DMD: variants seen among roughly 807,000 people sequenced by gnomAD.
DMD encodes the protein dystrophin, also known as mutant dystrophin.
Under a neutral mutation model 330.1 loss-of-function variants are expected in DMD, and 63 were observed. That is an observed-to-expected ratio of 0.19 (90% CI 0.16 to 0.24). The LOEUF (loss-of-function observed/expected upper bound fraction) is 0.24. DMD is among the 10% of genes least tolerant of loss of function. The pLI, the probability that DMD is intolerant of heterozygous loss-of-function variation, is 1.00. For missense variants in DMD, 3,344 were observed against 2,684.1 expected, an observed-to-expected ratio of 1.25 and a Z score of -5.43; for synonymous variants, 1,223 against 959.8, an observed-to-expected ratio of 1.27 and a Z score of -5.07.
chrX:31,294,530 C>G (rs1347342013), intron 62 of DMD, among the ~76,000 whole-genome samples: 1 of 112,267 alleles, frequency 8.9e-6, no homozygotes, highest in Non-Finnish European at 1.9e-5. Context: ...TTCCATTTTC[C>G]TATCTGTAAG....
At chrX:31,328,719 G>C (rs1012921798) in intron 61 of DMD, among the ~76,000 whole-genome samples, 1 of 110,117 alleles carries the variant, frequency 9.1e-6, no homozygotes, top group East Asian at 2.8e-4. Context: ...CCAAAATGTT[G>C]TCAGGATAAA....
intron 63 of DMD, among the ~76,000 whole-genome samples, chrX:31,257,173 G>C (rs1234767388): frequency 2.6e-5 from 2 of 78,418 alleles, no homozygotes; most frequent in African/African-American, 1.1e-4. Context: ...GCAAATTAGA[G>C]AATGGAAATC....
At chrX:32,164,738 C>T (rs1167138767) in intron 44 of DMD, among the ~76,000 whole-genome samples, 1 of 111,129 alleles carries the variant, frequency 9.0e-6, no homozygotes, top group Non-Finnish European at 1.9e-5. Context: ...TTCATTGCGG[C>T]TCCTCCCATC....
chrX:31,220,989 G>C (rs1049796097), intron 64 of DMD, among the ~76,000 whole-genome samples: 1 of 99,527 alleles, frequency 1.0e-5, no homozygotes, highest in African/African-American at 3.8e-5. Flanking sequence ...CTTCCACTGT[G>C]GCCCGGAGAA....
intron 45 of DMD, 85 bp downstream of exon 45, chrX:31,968,254 T>C: frequency 2.7e-6 from 3 of 1,099,364 alleles, no homozygotes; most frequent in African/African-American, 1.8e-5. Flanking sequence ...TCACCCTGCT[T>C]ATAATCTCTC....
At chrX:31,638,028 C>T (rs974569060) in intron 54 of DMD, among the ~76,000 whole-genome samples, 1 of 111,595 alleles carries the variant, frequency 9.0e-6, no homozygotes, top group Non-Finnish European at 1.9e-5. Flanking sequence ...TTGTATTTAG[C>T]TGTCAATGAC....
At chrX:32,651,947 T>C (rs933737093) in intron 9 of DMD, among the ~76,000 whole-genome samples, 1 of 111,750 alleles carries the variant, frequency 8.9e-6, no homozygotes, top group African/African-American at 3.3e-5. Context: ...GATTTGCCTT[T>C]GATGTTAAAT....
chrX:32,731,224 C>G (rs982244854), intron 7 of DMD, among the ~76,000 whole-genome samples: 2 of 112,254 alleles, frequency 1.8e-5, no homozygotes, highest in Non-Finnish European at 3.8e-5. Flanking sequence ...AACGGCACAC[C>G]AGGAGATTAT....
chrX:31,835,001 G>T (rs1313640688), intron 49 of DMD, among the ~76,000 whole-genome samples: 2 of 112,250 alleles, frequency 1.8e-5, no homozygotes, highest in Non-Finnish European at 3.8e-5. Flanking sequence ...CATCACTAAT[G>T]CATCAGCAGG....
At chrX:33,265,249 G>A (rs2053023866) in intron 1 of DMD, among the ~76,000 whole-genome samples, 1 of 110,622 alleles carries the variant, frequency 9.0e-6, no homozygotes, top group Non-Finnish European at 1.9e-5. Flanking sequence ...ACTGTCACAG[G>A]TACAGATGAA....
intron 7 of DMD, among the ~76,000 whole-genome samples, chrX:32,773,044 C>T (rs1228907794): frequency 3.6e-5 from 4 of 111,786 alleles, no homozygotes; most frequent in Non-Finnish European, 7.5e-5. Flanking sequence ...TTCCGTCATG[C>T]TCCTCTTCTG....
chrX:32,732,865 AATC>A (rs993682836), intron 7 of DMD, among the ~76,000 whole-genome samples: 2 of 110,543 alleles, frequency 1.8e-5, no homozygotes, highest in Admixed American at 1.9e-4. Flanking sequence ...TAACGAGCAA[AATC>A]ACCAGCTAAC....
At chrX:33,262,898 A>G (rs994983532) in intron 1 of DMD, among the ~76,000 whole-genome samples, 36 of 111,229 alleles carry the variant, frequency 3.2e-4, no homozygotes, top group African/African-American at 1.2e-3. Flanking sequence ...GGCAAAGGAC[A>G]TGAACAGATG....
At position 32,574,653 on chromosome X, in the gene DMD, A is replaced by G. The variant is rs766630655; in HGVS notation, c.1603-807T>C. Among the ~76,000 whole-genome samples, 101 of 111,376 alleles carry G rather than the reference A, an allele frequency of 9.1e-4. 1 individual carries two copies. The highest frequency in any genetic ancestry group is 1.3e-4 in the Non-Finnish European group (7 of 53,081). ...ACTTTTTCATATAAATAAGAAACTT[A>G]TTTTCTCATATATATATTGGACCTT... On this transcript the variant is annotated intron_variant, in intron 13 of 78. Transcript: ENST00000357033.
At chrX:32,332,905 T>A (rs574368784) in intron 41 of DMD, among the ~76,000 whole-genome samples, 3 of 110,851 alleles carry the variant, frequency 2.7e-5, no homozygotes, top group Admixed American at 1.9e-4. Context: ...AAAGAATAAT[T>A]TTGTTTTAAT....
chrX:33,042,983 A>G lies in DMD; in HGVS notation c.32-22783T>C, dbSNP rs192568452. On this transcript the variant is annotated intron_variant, in intron 1 of 78. Transcript: ENST00000357033. ...TGGTTCTATAATTATTTTATGGAGC[A>G]TCTATGAATTTGCTATGCACCGGAC... is the stretch of plus-strand genomic sequence containing the variant. Among the ~76,000 whole-genome samples the G allele has an allele frequency of 3.7e-4, 41 of 112,121 alleles. No individual in the cohort carries two copies. The East Asian group carries it at 0.01, about 28-fold the overall frequency.
chrX:31,422,883 C>G (rs1233026162), intron 60 of DMD, among the ~76,000 whole-genome samples: 2 of 109,419 alleles, frequency 1.8e-5, no homozygotes, highest in Non-Finnish European at 3.8e-5. Context: ...CAGGTCAAGG[C>G]TATAGGTGGG....
At position 33,032,466 on chromosome X, in the gene DMD, A is replaced by G. The variant is rs12689322; in HGVS notation, c.32-12266T>C. On this transcript the variant is annotated intron_variant, in intron 1 of 78. Transcript: ENST00000357033. The stretch of plus-strand genomic sequence containing the variant: ...AATGTGGCCCATAGAATAAAATTCA[A>G]TAATGATGGAATGTATATAACCTCT... 0.013 allele frequency among the ~76,000 whole-genome samples: 1,458 copies of G among 112,440 alleles called. 58 individuals are homozygous for G. In the East Asian group the frequency reaches 0.14, roughly 11 times the overall value.
At chrX:32,912,464 T>G (rs983866437) in intron 2 of DMD, among the ~76,000 whole-genome samples, 1 of 110,805 alleles carries the variant, frequency 9.0e-6, no homozygotes, top group South Asian at 4.0e-4. Flanking sequence ...ATCCCACTCC[T>G]ACATGTATAC....
Sources: allele counts gnomAD v4.1 joint callset (sites outside exome capture counted in the v4.1 genomes callset), GRCh38; gene constraint gnomAD v4.1.1; transcripts MANE v1.5; gene names NCBI Gene and HGNC (gene_info 2026-07-23, HGNC 2026-07-21).